Variants in LRRIQ1 observed in about 807,000 individuals in gnomAD.
LRRIQ1 encodes the protein leucine-rich repeat- and IQ domain-containing protein 1.
LRRIQ1 carries 210 observed loss-of-function variants against 211.9 expected under a neutral mutation model. That is an observed-to-expected ratio of 0.99 (90% CI 0.89 to 1.11). The LOEUF (loss-of-function observed/expected upper bound fraction) is 1.11. LRRIQ1 is among the 50% of genes most tolerant of loss of function. LRRIQ1 has a pLI of 0.00. For synonymous variants in LRRIQ1, 699 were observed against 650.1 expected (o/e 1.08, Z -1.14); for missense variants, 2,136 against 1,939.5 (o/e 1.10, Z -1.90).
intron 11 of LRRIQ1, among the ~76,000 whole-genome samples, chr12:85,090,975 C>T (rs1322877114): frequency 6.6e-6 from 1 of 152,106 alleles, no homozygotes; most frequent in Non-Finnish European, 1.5e-5. Context: ...AGGTGTTTGA[C>T]TTATGGGGTG....
chr12:85,096,000 T>C (rs1479580116), intron 11 of LRRIQ1, among the ~76,000 whole-genome samples: 1 of 152,158 alleles, frequency 6.6e-6, no homozygotes, highest in Non-Finnish European at 1.5e-5. Flanking sequence ...GTGGGATTGG[T>C]TGTAGTACCA....
intron 8 of LRRIQ1, among the ~76,000 whole-genome samples, chr12:85,059,446 A>G (rs1035916440): frequency 6.6e-6 from 1 of 152,052 alleles, no homozygotes; most frequent in African/African-American, 2.4e-5. Flanking sequence ...GTTTACCCTC[A>G]TGATCATGTG....
At chr12:85,136,316 G>A (rs1357892326) in intron 18 of LRRIQ1, among the ~76,000 whole-genome samples, 2 of 151,980 alleles carry the variant, frequency 1.3e-5, no homozygotes, top group Non-Finnish European at 2.9e-5. Context: ...CCAAAACGTG[G>A]AAGGGAGTGG....
chr12:85,106,420 G>A, intron 14 of LRRIQ1, 102 bp from the exon 15 acceptor site: 1 of 769,310 alleles, frequency 1.3e-6, no homozygotes, highest in Non-Finnish European at 2.1e-6. Flanking sequence ...TAAAAATATT[G>A]CTTTTCTTTA....
At chr12:85,166,868 T>A (rs1029838920) in intron 24 of LRRIQ1, among the ~76,000 whole-genome samples, 1 of 152,222 alleles carries the variant, frequency 6.6e-6, no homozygotes, top group African/African-American at 2.4e-5. Flanking sequence ...ACAAACACTA[T>A]ATTTTGAATT....
Position 85,124,520 on chromosome 12 carries a change from G to C in LRRIQ1, c.4007+1G>C. 6.3e-7 allele frequency: 1 copy of C among 1,596,306 alleles called. No homozygotes were observed. The highest frequency in any genetic ancestry group is 8.6e-7 in the Non-Finnish European group (1 of 1,168,032). On this transcript the variant is annotated splice_donor_variant, in intron 17 of 26. Transcript: ENST00000393217. LOFTEE classifies it high-confidence loss of function. ...AAAATATTGAGCCTAGTGAAAAAAT[G>C]TAAGATATATAAATAATGTTTCTTT...
chr12:85,123,305 T>A (rs1393366589), intron 16 of LRRIQ1, among the ~76,000 whole-genome samples: 1 of 151,894 alleles, frequency 6.6e-6, no homozygotes, highest in African/African-American at 2.4e-5. Flanking sequence ...CAGAAAAAAA[T>A]TAGGCAGCTT....
At chr12:85,256,775 G>A (rs1475728770) in intron 1 of LRRIQ1, among the ~76,000 whole-genome samples, 3 of 150,830 alleles carry the variant, frequency 2.0e-5, no homozygotes, top group Non-Finnish European at 4.4e-5. Flanking sequence ...AAGTTCCATT[G>A]AAAGAAATAC....
chr12:85,259,730 C>G (rs897633627), intron 1 of LRRIQ1, among the ~76,000 whole-genome samples: 2 of 152,034 alleles, frequency 1.3e-5, no homozygotes, highest in Admixed American at 1.3e-4. Context: ...TGCTATAAAG[C>G]TGTCTTGTAA....
intron 19 of LRRIQ1, among the ~76,000 whole-genome samples, chr12:85,148,865 CATT>C (rs1296320527): frequency 6.6e-6 from 1 of 151,990 alleles, no homozygotes; most frequent in Non-Finnish European, 1.5e-5. Context: ...GATAGTATCT[CATT>C]GTGGTTTTGA....
At chr12:85,090,342 G>T (rs1211368082) in intron 11 of LRRIQ1, among the ~76,000 whole-genome samples, 1 of 152,186 alleles carries the variant, frequency 6.6e-6, no homozygotes, top group Non-Finnish European at 1.5e-5. Context: ...ACCTAGTAGA[G>T]CTAAGAGAAG....
At chr12:85,087,516 T>C (rs2136207222) in intron 11 of LRRIQ1, among the ~76,000 whole-genome samples, 1 of 152,286 alleles carries the variant, frequency 6.6e-6, no homozygotes, top group South Asian at 2.1e-4. Flanking sequence ...GAGGAATCAC[T>C]ACACTGTCTT....
intron 26 of LRRIQ1, among the ~76,000 whole-genome samples, chr12:85,242,369 T>C (rs1457916843): frequency 6.6e-6 from 1 of 151,450 alleles, no homozygotes; most frequent in African/African-American, 2.4e-5. Context: ...AACAATAGAG[T>C]ATAACAACTA....
rs978241075 is a variant in LRRIQ1, at chr12:85,222,299, A to C, written c.4823-7218A>C. On this transcript the variant is annotated intron_variant, in intron 24 of 26. Transcript: ENST00000393217. ...GGAGAGAGTATAGCCTAAAAATAAA[A>C]TGGGGCCAAGATAGAACTCCAGAGA... is the stretch of plus-strand genomic sequence containing the variant. Among the ~76,000 whole-genome samples the C allele has an allele frequency of 2.0e-5, 3 of 152,264 alleles. No individual in the cohort carries two copies. In the East Asian group the frequency reaches 5.8e-4, roughly 29 times the overall value.
At chr12:85,257,177 G>T (rs1313391878) in intron 1 of LRRIQ1, among the ~76,000 whole-genome samples, 16 of 1,666 alleles carry the variant, frequency 9.6e-3, no homozygotes, top group South Asian at 0.026. Context: ...TAATAATTAT[G>T]TATTAATTAT....
intron 19 of LRRIQ1, among the ~76,000 whole-genome samples, chr12:85,151,240 T>C (rs1386536685): frequency 1.3e-5 from 2 of 151,658 alleles, no homozygotes; most frequent in South Asian, 2.1e-4. Flanking sequence ...ATTCAAATGG[T>C]GCAAGTTTGG....
intron 24 of LRRIQ1, among the ~76,000 whole-genome samples, chr12:85,176,892 T>C (rs1326141460): frequency 6.6e-6 from 1 of 152,142 alleles, no homozygotes; most frequent in Admixed American, 6.6e-5. Flanking sequence ...TGTTTCTTTG[T>C]TTTGTTTTGG....
At chr12:85,185,805 T>C (rs1892201349) in intron 24 of LRRIQ1, among the ~76,000 whole-genome samples, 1 of 152,012 alleles carries the variant, frequency 6.6e-6, no homozygotes, top group African/African-American at 2.4e-5. Context: ...CAGCTACCTA[T>C]TTATAAACAC....
At chr12:85,054,876 A>C (rs1420558757) in intron 7 of LRRIQ1, among the ~76,000 whole-genome samples, 1 of 151,738 alleles carries the variant, frequency 6.6e-6, no homozygotes, top group Non-Finnish European at 1.5e-5. Context: ...CCTTTTTGTT[A>C]GTTTCCGTTA....
Sources: gnomAD v4.1 joint callset for allele counts (sites outside exome capture counted in the v4.1 genomes callset) on GRCh38, gnomAD v4.1.1 for gene constraint, MANE v1.5 for transcripts, NCBI Gene and HGNC (gene_info 2026-07-23, HGNC 2026-07-21) for gene names.